The following EPHA3 variants were observed in gnomAD, a reference collection of about 807,000 sequenced individuals.
EPHA3 encodes the protein EPH receptor A3.
In EPHA3, 42 loss-of-function variants were observed where a neutral mutation model predicts 107.1. The observed-to-expected ratio is 0.39, with a 90% CI of 0.31 to 0.51. The LOEUF (loss-of-function observed/expected upper bound fraction) is 0.51. Ranked by LOEUF, EPHA3 falls within the 20% of genes least tolerant of loss-of-function variation. The probability of loss-of-function intolerance (pLI) is 0.78; values close to 1 mark genes in which losing one functional copy is unlikely to be tolerated. For missense variants in EPHA3, 1,183 were observed against 1,211.2 expected (o/e 0.98, Z 0.35); for synonymous variants, 461 against 424.8 (o/e 1.09, Z -1.05).
Position 89,438,317 on chromosome 3 carries a change from T to C in EPHA3, c.2346+6958T>C, listed in dbSNP as rs193051169. 6.2e-4 allele frequency among the ~76,000 whole-genome samples: 95 copies of C among 152,174 alleles called. 1 individual carries two copies. Among genetic ancestry groups the C allele is most frequent in the African/African-American group, 2.1e-3 (89 of 41,512 alleles). ...TAGTAGAGACGGGGTTTCACCATGT[T>C]AGCCAGGATGGTCTCGATCTCCTGA... On this transcript the variant is annotated intron_variant, in intron 13 of 16. Coordinates refer to ENST00000336596, the MANE Select transcript of EPHA3 (RefSeq NM_005233.6).
rs1371946495 is a variant in EPHA3, at chr3:89,163,830, G to A, written c.153+36557G>A. 2.6e-5 allele frequency among the ~76,000 whole-genome samples: 4 copies of A among 152,230 alleles called. No homozygotes were observed. The East Asian group carries it at 7.7e-4, about 29-fold the overall frequency. On this transcript the variant is annotated intron_variant, in intron 2 of 16. Coordinates refer to ENST00000336596, the MANE Select transcript of EPHA3 (RefSeq NM_005233.6). ...AAAGGATGATGGTATGGGGAAGGAAGAGACACAAAAACCCATTCTAAAGTG... is the reference window on the plus strand; with the variant it reads ...AAAGGATGATGGTATGGGGAAGGAAAAGACACAAAAACCCATTCTAAAGTG...
chr3:89,359,768 C>CACACATATATACATATATATACATATAT (rs1708048979), intron 5 of EPHA3, among the ~76,000 whole-genome samples: 4 of 104,032 alleles, frequency 3.8e-5, no homozygotes, highest in Admixed American at 2.9e-4. Flanking sequence ...CACATATATA[C>CACACATATATACATATATATACATATAT]ACACATATAT....
At chr3:89,270,102 A>G (rs1315916310) in intron 3 of EPHA3, among the ~76,000 whole-genome samples, 1 of 151,984 alleles carries the variant, frequency 6.6e-6, no homozygotes, top group African/African-American at 2.4e-5. Flanking sequence ...TGTGAATACC[A>G]AATCCAAAAC....
At chr3:89,323,966 G>T (rs1707101349) in intron 3 of EPHA3, among the ~76,000 whole-genome samples, 1 of 150,472 alleles carries the variant, frequency 6.6e-6, no homozygotes, top group Admixed American at 6.6e-5. Flanking sequence ...ATTTTTTTTT[G>T]CAGTACAAAT....
chr3:89,182,864 C>A (rs1389102037), intron 2 of EPHA3, among the ~76,000 whole-genome samples: 1 of 151,734 alleles, frequency 6.6e-6, no homozygotes, highest in Non-Finnish European at 1.5e-5. Context: ...AAAATCTATT[C>A]ATTACTGGTT....
At chr3:89,435,270 T>C (rs1167730390) in intron 13 of EPHA3, among the ~76,000 whole-genome samples, 1 of 151,474 alleles carries the variant, frequency 6.6e-6, no homozygotes, top group African/African-American at 2.4e-5. Context: ...TTTAAGCAGG[T>C]AGTATTTTGG....
intron 1 of EPHA3, among the ~76,000 whole-genome samples, chr3:89,123,583 C>T (rs940229697): frequency 2.0e-5 from 3 of 152,158 alleles, no homozygotes; most frequent in African/African-American, 4.8e-5. Context: ...TTGCCTTCCC[C>T]TTCTTATGAA....
rs144893087 is a variant in EPHA3 at position 89,216,695 on chromosome 3, AAAG to A, written c.814+6178_814+6180del. Among the ~76,000 whole-genome samples the A allele has an allele frequency of 4.8e-3, 735 of 152,198 alleles. 1 individual carries two copies. Among genetic ancestry groups the A allele is most frequent in the Middle Eastern group, 0.014 (4 of 294 alleles). On this transcript the variant is annotated intron_variant, in intron 3 of 16. Transcript: ENST00000336596. ...ATGTTATATAATTTATGGCTTTTGT[AAAG>A]AACATTCATCTTCACTTCAAACTTA...
intron 1 of EPHA3, among the ~76,000 whole-genome samples, chr3:89,115,179 C>G (rs1707222936): frequency 6.6e-6 from 1 of 152,094 alleles, no homozygotes; most frequent in African/African-American, 2.4e-5. Context: ...AACCCTATCC[C>G]TTTACTATTT....
intron 5 of EPHA3, among the ~76,000 whole-genome samples, chr3:89,368,177 G>T (rs1198972002): frequency 2.7e-5 from 4 of 150,520 alleles, no homozygotes; most frequent in Non-Finnish European, 1.5e-5. Context: ...GTTGGTAGTT[G>T]TGGAGGTATG....
chr3:89,162,773 T>C (rs1263933495), intron 2 of EPHA3, among the ~76,000 whole-genome samples: 1 of 152,142 alleles, frequency 6.6e-6, no homozygotes, highest in Non-Finnish European at 1.5e-5. Context: ...TGGGCTGAGA[T>C]TGCAAGGCCT....
intron 3 of EPHA3, among the ~76,000 whole-genome samples, chr3:89,230,191 T>C (rs888796547): frequency 6.6e-6 from 1 of 151,924 alleles, no homozygotes; most frequent in South Asian, 2.1e-4. Flanking sequence ...AGATCCCAAC[T>C]AGAAGGAAGG....
intron 5 of EPHA3, among the ~76,000 whole-genome samples, chr3:89,384,728 CA>C (rs943565914): frequency 4.6e-5 from 7 of 152,084 alleles, no homozygotes; most frequent in Non-Finnish European, 1.0e-4. Flanking sequence ...AAAAGACCAC[CA>C]GATCCGTTAG....
intron 5 of EPHA3, among the ~76,000 whole-genome samples, chr3:89,347,794 T>C (rs1351151221): frequency 6.6e-6 from 1 of 150,836 alleles, no homozygotes; most frequent in African/African-American, 2.4e-5. Flanking sequence ...GTCCCATCAA[T>C]ACCTAATTTA....
chr3:89,277,877 G>A (rs1379000243), intron 3 of EPHA3, among the ~76,000 whole-genome samples: 3 of 151,984 alleles, frequency 2.0e-5, no homozygotes, highest in Non-Finnish European at 4.4e-5. Flanking sequence ...TTCTCTTTTG[G>A]ACCCTCCATG....
chr3:89,129,560 A>G (rs1436789889), intron 2 of EPHA3, among the ~76,000 whole-genome samples: 1 of 151,384 alleles, frequency 6.6e-6, no homozygotes, highest in African/African-American at 2.4e-5. Context: ...ACCATAATAT[A>G]TATAAGGAAA....
At chr3:89,230,898 C>A (rs1045227730) in intron 3 of EPHA3, among the ~76,000 whole-genome samples, 1 of 151,520 alleles carries the variant, frequency 6.6e-6, no homozygotes, top group Non-Finnish European at 1.5e-5. Context: ...TTATTTCAGA[C>A]TATGGGCTTT....
At chr3:89,447,064 A>G (rs927255277) in intron 13 of EPHA3, among the ~76,000 whole-genome samples, 1 of 152,142 alleles carries the variant, frequency 6.6e-6, no homozygotes, top group African/African-American at 2.4e-5. Context: ...CCACATGTCT[A>G]AGTCCACTTT....
intron 5 of EPHA3, among the ~76,000 whole-genome samples, chr3:89,369,409 C>T (rs1008083768): frequency 4.6e-5 from 7 of 150,770 alleles, no homozygotes; most frequent in Non-Finnish European, 7.4e-5. Flanking sequence ...AAAGGATTCC[C>T]TATTTAATAA....
Sources: gnomAD v4.1 joint callset for allele counts (sites outside exome capture counted in the v4.1 genomes callset) on GRCh38, gnomAD v4.1.1 for gene constraint, MANE v1.5 for transcripts, NCBI Gene and HGNC (gene_info 2026-07-23, HGNC 2026-07-21) for gene names.